Variants in SLC9B1 observed in about 807,000 individuals in gnomAD.
SLC9B1 encodes the protein solute carrier family 9 member B1.
In SLC9B1, 32 loss-of-function variants were observed where a neutral mutation model predicts 51.7. That is an observed-to-expected ratio of 0.62 (90% CI 0.47 to 0.83). SLC9B1 has a LOEUF of 0.83. Among genes scored for constraint, SLC9B1 ranks in the 40% least tolerant of loss-of-function variants. The pLI is 0.00. For synonymous variants in SLC9B1, 145 were observed against 212.7 expected (o/e 0.68, Z 2.77); for missense variants, 406 against 613.2 (o/e 0.66, Z 3.57).
chr4:102,958,327 T>C (rs985753554), intron 3 of SLC9B1, among the ~76,000 whole-genome samples: 1 of 152,218 alleles, frequency 6.6e-6, no homozygotes, highest in African/African-American at 2.4e-5. Flanking sequence ...GTCTTTGCCT[T>C]CTGCCATGAT....
At chr4:102,914,871 A>G (rs1221453463) in intron 7 of SLC9B1, among the ~76,000 whole-genome samples, 1 of 152,256 alleles carries the variant, frequency 6.6e-6, no homozygotes, top group Admixed American at 6.5e-5. Flanking sequence ...AAATGGACAT[A>G]CAAATCCAAG....
chr4:102,893,766 A>G (rs1734394302), intron 11 of SLC9B1, among the ~76,000 whole-genome samples: 1 of 152,078 alleles, frequency 6.6e-6, no homozygotes, highest in African/African-American at 2.4e-5. Flanking sequence ...TCTACTAAAA[A>G]TACAAAAATT....
At chr4:102,970,584 G>A (rs1298968944) in intron 3 of SLC9B1, among the ~76,000 whole-genome samples, 2 of 152,072 alleles carry the variant, frequency 1.3e-5, no homozygotes, top group South Asian at 2.1e-4. Flanking sequence ...ATGAACTAAC[G>A]AGCAAAATAA....
intron 7 of SLC9B1, among the ~76,000 whole-genome samples, chr4:102,925,789 A>T (rs548691206): frequency 1.3e-5 from 2 of 152,210 alleles, no homozygotes; most frequent in Non-Finnish European, 2.9e-5. Flanking sequence ...CAGAGACACA[A>T]CAAAAAAAGA....
At chr4:102,888,979 A>G (rs1578319542) in intron 11 of SLC9B1, 1 of 152,262 alleles carries the variant, frequency 6.6e-6, no homozygotes, top group Non-Finnish European at 1.5e-5. Flanking sequence ...AGAGGCAGAC[A>G]GAGGTAATCC....
intron 1 of SLC9B1, among the ~76,000 whole-genome samples, chr4:102,993,541 A>G (rs934828038): frequency 6.6e-6 from 1 of 152,194 alleles, no homozygotes; most frequent in Admixed American, 6.5e-5. Flanking sequence ...TTCCAGGCAC[A>G]TGGTGCAAGC....
intron 1 of SLC9B1, among the ~76,000 whole-genome samples, chr4:103,004,848 C>T (rs537908577): frequency 2.8e-4 from 43 of 152,154 alleles, no homozygotes; most frequent in African/African-American, 1.0e-3. Context: ...GCTTCATAAG[C>T]AGAGGAGAAA....
chr4:102,986,266 T>TTC (rs1553910659), intron 3 of SLC9B1, among the ~76,000 whole-genome samples: 82 of 149,140 alleles, frequency 5.5e-4, no homozygotes, highest in African/African-American at 7.1e-4. Flanking sequence ...TTTTTTTTTT[T>TTC]TCTCTCTCTC....
exon 12 of SLC9B1, chr4:102,885,188 G>A (rs375375350): frequency 1.3e-4 from 200 of 1,563,504 alleles, no homozygotes; most frequent in Non-Finnish European, 1.7e-4. Flanking sequence ...CAAGAGCACT[G>A]CAGATTCTGA....
chr4:102,970,651 T>C (rs1254923120), intron 3 of SLC9B1, among the ~76,000 whole-genome samples: 2 of 152,154 alleles, frequency 1.3e-5, no homozygotes, highest in Non-Finnish European at 2.9e-5. Flanking sequence ...TAACCTTAAA[T>C]GTAAATGGGC....
At chr4:102,920,815 T>C (rs547995643) in intron 7 of SLC9B1, among the ~76,000 whole-genome samples, 18 of 152,090 alleles carry the variant, frequency 1.2e-4, no homozygotes, top group Non-Finnish European at 2.2e-4. Flanking sequence ...GTATCAGTGA[T>C]TGAAGATCAA....
At chr4:102,969,635 A>T (rs1423312909) in intron 3 of SLC9B1, among the ~76,000 whole-genome samples, 3 of 152,230 alleles carry the variant, frequency 2.0e-5, no homozygotes, top group Non-Finnish European at 2.9e-5. Flanking sequence ...ATGGAGAATG[A>T]CTTTGACGAG....
At chr4:102,951,711 GGAAAATGAGA>G (rs983490989) in intron 3 of SLC9B1, among the ~76,000 whole-genome samples, 2 of 150,536 alleles carry the variant, frequency 1.3e-5, no homozygotes, top group Non-Finnish European at 3.0e-5. Context: ...AAAATGAGGT[GGAAAATGAGA>G]GATTTAGATT....
chr4:102,943,097 A>G (rs1560942190), intron 6 of SLC9B1, among the ~76,000 whole-genome samples: 1 of 151,856 alleles, frequency 6.6e-6, no homozygotes, highest in East Asian at 1.9e-4. Flanking sequence ...ACTAATTATT[A>G]GGGAAATGCA....
rs1295715775 is a variant in SLC9B1, at chr4:102,905,592, T to C, written c.1254A>G (p.Leu418=). The C allele has an allele frequency of 4.3e-6, 7 of 1,611,316 alleles. No individual in the cohort carries two copies. Among genetic ancestry groups the C allele is most frequent in the Non-Finnish European group, 5.1e-6 (6 of 1,179,426 alleles). ...ALCVRILTTY[L]LMCFAGFSFK... The stretch of plus-strand genomic sequence containing the variant: ...AACTAAAACCAGCAAAGCACATCAA[T>C]AGATATGTGGTTAAAATTCGAACAC... The change falls in exon 11 of 12, where the codon CTA becomes CTG. Residue 418 remains leucine, a synonymous_variant. Coordinates refer to ENST00000296422, the MANE Select transcript of SLC9B1 (RefSeq NM_139173.4).
intron 3 of SLC9B1, among the ~76,000 whole-genome samples, chr4:102,966,762 T>C (rs1385402437): frequency 1.3e-5 from 2 of 152,200 alleles, no homozygotes; most frequent in Admixed American, 6.5e-5. Flanking sequence ...ATCTCTTTAG[T>C]ATTGGTTGTT....
intron 11 of SLC9B1, among the ~76,000 whole-genome samples, chr4:102,904,259 C>T (rs1003879913): frequency 6.6e-6 from 1 of 151,758 alleles, no homozygotes; most frequent in African/African-American, 2.4e-5. Flanking sequence ...GAGGTTTTAC[C>T]ATGTTGCTCA....
intron 11 of SLC9B1, among the ~76,000 whole-genome samples, chr4:102,904,555 T>A (rs1271821414): frequency 1.3e-5 from 2 of 151,984 alleles, no homozygotes; most frequent in Non-Finnish European, 2.9e-5. Context: ...TTTAAAAAGG[T>A]TACATTGGCT....
intron 11 of SLC9B1, among the ~76,000 whole-genome samples, chr4:102,894,274 C>T (rs1310686692): frequency 6.6e-6 from 1 of 152,104 alleles, no homozygotes; most frequent in Non-Finnish European, 1.5e-5. Context: ...CATGAAACAA[C>T]GTTTCAATTA....
Sources: gnomAD v4.1 joint callset for allele counts (sites outside exome capture counted in the v4.1 genomes callset) on GRCh38, gnomAD v4.1.1 for gene constraint, MANE v1.5 for transcripts, NCBI Gene and HGNC (gene_info 2026-07-23, HGNC 2026-07-21) for gene names.